The following ADCK1 variants were observed in gnomAD, a reference collection of about 807,000 sequenced individuals.
ADCK1 encodes the protein aarF domain containing kinase 1, also known as aarF domain-containing protein kinase 1.
Under a neutral mutation model 52.3 loss-of-function variants are expected in ADCK1, and 41 were observed. The ratio of observed to expected loss-of-function variants is 0.78; its 90% CI spans 0.61 to 1.02. The LOEUF (loss-of-function observed/expected upper bound fraction) is 1.02, where lower values mean the gene tolerates loss of function less well. Among genes scored for constraint, ADCK1 ranks in the 50% least tolerant of loss-of-function variants. ADCK1 has a pLI of 0.00. For synonymous variants in ADCK1, 250 were observed against 274.6 expected (o/e 0.91, Z 0.89); for missense variants, 658 against 679.5 (o/e 0.97, Z 0.35).
At chr14:77,891,097 T>TAGC (rs2083273976) in intron 5 of ADCK1, among the ~76,000 whole-genome samples, 1 of 152,230 alleles carries the variant, frequency 6.6e-6, no homozygotes, top group African/African-American at 2.4e-5. Context: ...GCAGAGTGTG[T>TAGC]AGCAGCCTGA....
chr14:77,818,322 C>T (rs1385271948), intron 1 of ADCK1, among the ~76,000 whole-genome samples: 1 of 152,104 alleles, frequency 6.6e-6, no homozygotes, highest in Non-Finnish European at 1.5e-5. Flanking sequence ...GGCTCTGTCA[C>T]CCAGGCTGGA....
chr14:77,813,744 G>T (rs968675498), intron 1 of ADCK1, among the ~76,000 whole-genome samples: 1 of 152,040 alleles, frequency 6.6e-6, no homozygotes, highest in African/African-American at 2.4e-5. Flanking sequence ...CTAAATTTCA[G>T]CAAAGCCTCT....
chr14:77,900,364 A>C lies in ADCK1; in HGVS notation c.741+1106A>C, dbSNP rs1458498189. Among the ~76,000 whole-genome samples the C allele has an allele frequency of 3.9e-5, 6 of 152,118 alleles. No individual in the cohort carries two copies. In the East Asian group the frequency reaches 7.8e-4, roughly 20 times the overall value. On this transcript the variant is annotated intron_variant, in intron 6 of 10. Transcript: ENST00000238561. ...TTCTTTGGGAGGCGGAGGTGGGCAG[A>C]TCACTTGAGGGAAGGAGTTCAAGAC...
At chr14:77,883,644 G>A (rs78186513) in intron 4 of ADCK1, among the ~76,000 whole-genome samples, 8,292 of 152,206 alleles carry the variant, frequency 0.054, 309 homozygotes, top group Middle Eastern at 0.092. Context: ...AGGAGGGTGT[G>A]GGCGTGTGAC....
At chr14:77,875,309 G>T (rs2082874386) in intron 4 of ADCK1, among the ~76,000 whole-genome samples, 1 of 152,088 alleles carries the variant, frequency 6.6e-6, no homozygotes, top group South Asian at 2.1e-4. Flanking sequence ...GTGTTAGCAG[G>T]TCATCCTACT....
chr14:77,929,526 G>A (rs543928633), intron 9 of ADCK1, among the ~76,000 whole-genome samples: 4 of 152,340 alleles, frequency 2.6e-5, no homozygotes, highest in South Asian at 2.1e-4. Context: ...CGCAGGTCAC[G>A]TGTCCATGCC....
intron 5 of ADCK1, among the ~76,000 whole-genome samples, chr14:77,893,609 T>C (rs568785135): frequency 1.3e-5 from 2 of 152,218 alleles, no homozygotes; most frequent in South Asian, 2.1e-4. Context: ...ATCTATTGCT[T>C]GATGTCATCT....
At position 77,933,511 on chromosome 14, in the gene ADCK1, A is replaced by G. The variant is rs889778008; in HGVS notation, c.*120A>G. On this transcript the variant is annotated 3_prime_UTR_variant, in exon 11 of 11. Transcript: ENST00000238561. ...GCCCGCAGCCCCAGAGTCACTGTCC[A>G]TGTCACCATCCTTCTCCTCCTTTGG... The G allele has an allele frequency of 6.3e-6, 8 of 1,260,110 alleles. No homozygotes were observed. The highest frequency in any genetic ancestry group is 5.4e-5 in the South Asian group (4 of 73,896). The allele number at this position is 1,260,110 out of a possible 1,614,324, so 78.1% of individuals were successfully genotyped here. A position where few individuals can be genotyped will look rare whatever the true frequency, so the allele number is the denominator to read the frequency against.
intron 3 of ADCK1, among the ~76,000 whole-genome samples, chr14:77,840,157 A>G (rs1166523829): frequency 6.6e-6 from 1 of 151,988 alleles, no homozygotes; most frequent in African/African-American, 2.4e-5. Context: ...GTAGCTTCCT[A>G]TGACTATTAG....
chr14:77,855,394 A>G (rs2082396821), intron 3 of ADCK1, among the ~76,000 whole-genome samples: 1 of 152,228 alleles, frequency 6.6e-6, no homozygotes, highest in Non-Finnish European at 1.5e-5. Context: ...GGGGAAGGTT[A>G]TGTAACTTGC....
intron 4 of ADCK1, among the ~76,000 whole-genome samples, chr14:77,872,231 A>G (rs976854157): frequency 1.3e-5 from 2 of 152,152 alleles, no homozygotes; most frequent in Non-Finnish European, 2.9e-5. Flanking sequence ...TGAGACTCTG[A>G]GATGTTAAGT....
chr14:77,807,356 C>A (rs2081250817), intron 1 of ADCK1, among the ~76,000 whole-genome samples: 1 of 151,924 alleles, frequency 6.6e-6, no homozygotes, highest in South Asian at 2.1e-4. Context: ...GCGTGAGCCA[C>A]CGCGCCCGGC....
chr14:77,846,773 G>C (rs1221040881), intron 3 of ADCK1, among the ~76,000 whole-genome samples: 1 of 152,184 alleles, frequency 6.6e-6, no homozygotes, highest in Non-Finnish European at 1.5e-5. Context: ...CTGGGTCCCA[G>C]ACTCGTTTGG....
At chr14:77,929,943 G>A (rs1042980615) in intron 9 of ADCK1, among the ~76,000 whole-genome samples, 1 of 152,214 alleles carries the variant, frequency 6.6e-6, no homozygotes, top group African/African-American at 2.4e-5. Context: ...AGGATTACAG[G>A]TGTGAGCCTG....
chr14:77,886,959 A>ACACT, intron 4 of ADCK1, 132 bp from the exon 5 acceptor site: 2 of 921,036 alleles, frequency 2.2e-6, no homozygotes, highest in Non-Finnish European at 3.1e-6. Context: ...ACACACACAC[A>ACACT]CTCTCTCTCT....
At chr14:77,818,239 T>C (rs1460479237) in intron 1 of ADCK1, among the ~76,000 whole-genome samples, 1 of 152,084 alleles carries the variant, frequency 6.6e-6, no homozygotes, top group East Asian at 1.9e-4. Context: ...GCTCTTCTGC[T>C]TTGCTTCTAA....
chr14:77,827,014 C>G (rs73319431), intron 3 of ADCK1, among the ~76,000 whole-genome samples: 2,093 of 152,162 alleles, frequency 0.014, 49 homozygotes, highest in African/African-American at 0.048. Flanking sequence ...ATCTTTGCCA[C>G]CATGAGGGGA....
In ADCK1 at chr14:77,888,825, G is replaced by A. The variant is rs940781013; in HGVS notation, c.582+1576G>A. Among the ~76,000 whole-genome samples the A allele has an allele frequency of 2.0e-5, 3 of 152,198 alleles. No homozygotes were observed. The East Asian group carries it at 5.8e-4, about 29-fold the overall frequency. On this transcript the variant is annotated intron_variant, in intron 5 of 10. Transcript: ENST00000238561. Reference sequence around the variant, plus strand: ...ATACATTCCAAGACCCCCAGTGGATGCCTGAATCCTCAGATAGTGCCCAAC... The same window carrying A: ...ATACATTCCAAGACCCCCAGTGGATACCTGAATCCTCAGATAGTGCCCAAC...
At chr14:77,919,398 G>A (rs568611550) in intron 7 of ADCK1, among the ~76,000 whole-genome samples, 58 of 152,232 alleles carry the variant, frequency 3.8e-4, no homozygotes, top group African/African-American at 1.3e-3. Flanking sequence ...TTCCATCTAC[G>A]TTGCTGCAAA....
Sources: allele counts gnomAD v4.1 joint callset (sites outside exome capture counted in the v4.1 genomes callset), GRCh38; gene constraint gnomAD v4.1.1; transcripts MANE v1.5; gene names NCBI Gene and HGNC (gene_info 2026-07-23, HGNC 2026-07-21).